TIAM1: variants seen among roughly 807,000 people sequenced by gnomAD.
TIAM1 encodes the protein rho guanine nucleotide exchange factor TIAM1.
Under a neutral mutation model 163.5 loss-of-function variants are expected in TIAM1, and 65 were observed. The observed-to-expected ratio is 0.40, with a 90% CI of 0.33 to 0.49. The LOEUF is 0.49. TIAM1 is among the 20% of genes least tolerant of loss of function. The pLI is 0.77. For missense variants in TIAM1, 1,789 were observed against 2,044.7 expected (o/e 0.87, Z 2.41); for synonymous variants, 833 against 810.1 (o/e 1.03, Z -0.48).
At chr21:31,539,201 A>C (rs1422118728) in intron 1 of TIAM1, among the ~76,000 whole-genome samples, 1 of 148,338 alleles carries the variant, frequency 6.7e-6, no homozygotes, top group Non-Finnish European at 1.5e-5. Flanking sequence ...TAAATAAAAT[A>C]CCTTTGACAG....
At chr21:31,152,800 T>A (rs2083441746) in intron 18 of TIAM1, 39 bp from the exon 19 acceptor site, 1 of 1,605,800 alleles carries the variant, frequency 6.2e-7, no homozygotes, top group Non-Finnish European at 8.5e-7. Flanking sequence ...TCATATCTCA[T>A]TAGTCTTCCT....
intron 1 of TIAM1, among the ~76,000 whole-genome samples, chr21:31,519,853 A>G (rs2047519052): frequency 6.6e-6 from 1 of 152,220 alleles, no homozygotes; most frequent in Non-Finnish European, 1.5e-5. Context: ...AGTCGAATAC[A>G]TAGAGATAGA....
chr21:31,199,598 T>C (rs1441703158), intron 12 of TIAM1, among the ~76,000 whole-genome samples: 1 of 151,604 alleles, frequency 6.6e-6, no homozygotes, highest in African/African-American at 2.4e-5. Context: ...TGGCACGATA[T>C]TGGCTCCCTG....
chr21:31,440,473 A>G (rs1336603843), intron 2 of TIAM1, among the ~76,000 whole-genome samples: 1 of 152,220 alleles, frequency 6.6e-6, no homozygotes, highest in Non-Finnish European at 1.5e-5. Flanking sequence ...TGGCCTTTAA[A>G]AAAAAGTCAC....
chr21:31,403,794 G>A (rs7275394), intron 2 of TIAM1, among the ~76,000 whole-genome samples: 16,030 of 151,964 alleles, frequency 0.11, 2,159 homozygotes, highest in African/African-American at 0.31. Context: ...AAGAAAGAAC[G>A]AGGAGAAAAG....
At chr21:31,152,613 G>A (rs374894552) in intron 19 of TIAM1, 23 bp downstream of exon 19, 22 of 1,613,242 alleles carry the variant, frequency 1.4e-5, no homozygotes, top group African/African-American at 1.2e-4. Flanking sequence ...CCCTGACGCT[G>A]GAGGCAGCTT....
chr21:31,524,228 C>G (rs926073076), intron 1 of TIAM1, among the ~76,000 whole-genome samples: 1 of 152,152 alleles, frequency 6.6e-6, no homozygotes. Context: ...AGAAGCACGG[C>G]TTCTGGGAAA....
chr21:31,425,983 TG>T (rs896779726), intron 2 of TIAM1, among the ~76,000 whole-genome samples: 6 of 152,190 alleles, frequency 3.9e-5, no homozygotes, highest in Admixed American at 2.0e-4. Context: ...TCCACCTGCC[TG>T]GGCTTCCCAA....
chr21:31,276,577 T>G (rs772636724), intron 3 of TIAM1, among the ~76,000 whole-genome samples, 155 bp downstream of exon 3: 1 of 152,244 alleles, frequency 6.6e-6, no homozygotes, highest in Non-Finnish European at 1.5e-5. Flanking sequence ...AATTGTCAGA[T>G]AGGTGTAACC....
Position 31,443,136 on chromosome 21 carries a change from A to C in TIAM1, c.-369+20847T>G, listed in dbSNP as rs7348970. Among the ~76,000 whole-genome samples, 1,280 of 152,338 alleles carry C rather than the reference A, an allele frequency of 8.4e-3. 16 individuals are homozygous for C. The highest frequency in any genetic ancestry group is 0.029 in the African/African-American group (1,185 of 41,572). ...TCATTTTACAACTTTAACTCTGAAA[A>C]AACAAAGGGAAAAGAGGATGGAAAG... On this transcript the variant is annotated intron_variant, in intron 2 of 28. Transcript: ENST00000286827.
chr21:31,486,747 T>C (rs1394238086), intron 1 of TIAM1, among the ~76,000 whole-genome samples: 1 of 152,214 alleles, frequency 6.6e-6, no homozygotes, highest in Non-Finnish European at 1.5e-5. Context: ...TGGTCTTTGA[T>C]GTGGGGCAGT....
At chr21:31,316,306 C>T (rs1601936263) in intron 2 of TIAM1, among the ~76,000 whole-genome samples, 4 of 152,146 alleles carry the variant, frequency 2.6e-5, no homozygotes, top group Admixed American at 2.6e-4. Flanking sequence ...AACCAAAAAT[C>T]GTATCGTTTT....
intron 8 of TIAM1, among the ~76,000 whole-genome samples, chr21:31,219,787 T>C (rs1186570015): frequency 6.6e-6 from 1 of 151,930 alleles, no homozygotes; most frequent in East Asian, 1.9e-4. Context: ...AAAAATGTGG[T>C]ATCCAAGACA....
chr21:31,518,946 A>G, intron 1 of TIAM1, among the ~76,000 whole-genome samples: 1 of 152,160 alleles, frequency 6.6e-6, no homozygotes, highest in African/African-American at 2.4e-5. Context: ...TGTAATCCCA[A>G]CACTTTGGGA....
intron 15 of TIAM1, among the ~76,000 whole-genome samples, chr21:31,171,992 A>G (rs901297483): frequency 3.9e-5 from 6 of 152,248 alleles, no homozygotes; most frequent in Admixed American, 6.5e-5. Flanking sequence ...GGTTAGCAGA[A>G]CAACCAACCA....
Position 31,451,388 on chromosome 21 carries a change from T to G in TIAM1, c.-369+12595A>C, listed in dbSNP as rs186932373. Among the ~76,000 whole-genome samples, 19 of 152,328 alleles carry G rather than the reference T, an allele frequency of 1.2e-4. No homozygotes were observed. In the East Asian group the frequency reaches 3.3e-3, roughly 26 times the overall value. On this transcript the variant is annotated intron_variant, in intron 2 of 28. Transcript: ENST00000286827. ...TTAAATTCAGATAATTCACCCCGCA[T>G]TACTTTTATAGATGTATATATACAC...
chr21:31,554,711 C>CA (rs1048625801), intron 1 of TIAM1, among the ~76,000 whole-genome samples: 2 of 151,914 alleles, frequency 1.3e-5, no homozygotes, highest in Admixed American at 6.7e-5. Context: ...GTAGTACCCC[C>CA]ACCCCCTCCA....
chr21:31,459,184 T>C (rs2045230322), intron 2 of TIAM1, among the ~76,000 whole-genome samples: 1 of 152,174 alleles, frequency 6.6e-6, no homozygotes, highest in African/African-American at 2.4e-5. Flanking sequence ...AGATCAAAGC[T>C]CACTGTGGCC....
At chr21:31,326,631 C>A (rs538844104) in intron 2 of TIAM1, among the ~76,000 whole-genome samples, 2 of 152,170 alleles carry the variant, frequency 1.3e-5, no homozygotes, top group Non-Finnish European at 2.9e-5. Context: ...ATTCCCCACG[C>A]CCTGCAGATG....
Sources: gnomAD v4.1 joint callset for allele counts (sites outside exome capture counted in the v4.1 genomes callset) on GRCh38, gnomAD v4.1.1 for gene constraint, MANE v1.5 for transcripts, NCBI Gene and HGNC (gene_info 2026-07-23, HGNC 2026-07-21) for gene names.